Variants in KLHDC4 observed in about 807,000 individuals in gnomAD.
KLHDC4 encodes kelch domain containing 4, also known as kelch domain-containing protein 4.
Under a neutral mutation model 62.4 loss-of-function variants are expected in KLHDC4, and 90 were observed. The ratio of observed to expected loss-of-function variants is 1.44; its 90% confidence interval spans 1.22 to 1.72. The LOEUF (loss-of-function observed/expected upper bound fraction) is 1.72. KLHDC4 is among the 40% of genes most tolerant of loss of function. KLHDC4 has a pLI of 0.00. For missense variants in KLHDC4, 1,025 were observed against 699.7 expected (o/e 1.47, Z -5.25); for synonymous variants, 386 against 284.4 (o/e 1.36, Z -3.59).
At chr16:87,722,199 G>A (rs2038505527) in intron 7 of KLHDC4, among the ~76,000 whole-genome samples, 1 of 152,190 alleles carries the variant, frequency 6.6e-6, no homozygotes, top group Non-Finnish European at 1.5e-5. Context: ...AGCACTAGCT[G>A]GACCCAGACT....
intron 6 of KLHDC4, among the ~76,000 whole-genome samples, chr16:87,728,784 G>A (rs995824776): frequency 6.6e-6 from 1 of 152,056 alleles, no homozygotes; most frequent in African/African-American, 2.4e-5. Flanking sequence ...TTCGAGACCA[G>A]CCTGGCGAAC....
At chr16:87,703,743 G>A (rs2034315163), downstream of KLHDC4, among the ~76,000 whole-genome samples, 2 of 152,224 alleles carry the variant, frequency 1.3e-5, no homozygotes, top group African/African-American at 2.4e-5. Context: ...CCGGGTCACC[G>A]TGGTACCTGC....
At chr16:87,742,075 T>C (rs1267070503) in intron 5 of KLHDC4, among the ~76,000 whole-genome samples, 3 of 152,098 alleles carry the variant, frequency 2.0e-5, no homozygotes. Flanking sequence ...TCTCCTGACC[T>C]TTCCTTTTAG....
intron 10 of KLHDC4, chr16:87,708,674 C>G (rs1388303737): frequency 4.8e-6 from 2 of 415,986 alleles, no homozygotes; most frequent in Non-Finnish European, 8.5e-6. Flanking sequence ...TCCGAGACGG[C>G]AAACATGCAA....
intron 7 of KLHDC4, among the ~76,000 whole-genome samples, chr16:87,716,355 C>G (rs968618263): frequency 1.3e-5 from 2 of 152,136 alleles, no homozygotes; most frequent in South Asian, 4.1e-4. Flanking sequence ...TCTGGGTACG[C>G]GCTATGTCTC....
chr16:87,756,347 T>C (rs1277907460), intron 3 of KLHDC4, 52 bp downstream of exon 3: 3 of 1,338,326 alleles, frequency 2.2e-6, no homozygotes, highest in African/African-American at 2.9e-5. Flanking sequence ...TAACTTTCTG[T>C]CAAATGATAC....
intron 2 of KLHDC4, among the ~76,000 whole-genome samples, chr16:87,760,606 C>CA (rs546426686): frequency 0.14 from 7,267 of 51,504 alleles, 393 homozygotes; most frequent in Non-Finnish European, 0.21. Flanking sequence ...GACTCCGTCC[C>CA]AAAAAAAAAA....
At chr16:87,701,997 G>A in exon 1 of KLHDC4, 1 of 456,274 alleles carries the variant, frequency 2.2e-6, no homozygotes. Flanking sequence ...ACAAAGCTCA[G>A]CCCAGCAGCC....
At position 87,723,979 on chromosome 16, in the gene KLHDC4, G is replaced by A. The variant is rs558555386; in HGVS notation, c.759+2786C>T. Among the ~76,000 whole-genome samples, 4 of 152,266 alleles carry A rather than the reference G, an allele frequency of 2.6e-5. No individual in the cohort carries two copies. The East Asian group carries it at 7.7e-4, about 29-fold the overall frequency. ...AGCCTCCCGAGTAGCTGGGATTACAGGCACGCCCCACCACGCCTGGCTAAT... is the reference window on the plus strand; with the variant it reads ...AGCCTCCCGAGTAGCTGGGATTACAAGCACGCCCCACCACGCCTGGCTAAT... On this transcript the variant is annotated intron_variant, in intron 7 of 11. Transcript: ENST00000270583.
At chr16:87,726,030 A>G (rs1016419218) in intron 7 of KLHDC4, among the ~76,000 whole-genome samples, 13 of 152,152 alleles carry the variant, frequency 8.5e-5, no homozygotes, top group African/African-American at 3.1e-4. Flanking sequence ...CACGGCACCA[A>G]GTTCACAGAG....
At chr16:87,732,025 C>G (rs141309896) in intron 5 of KLHDC4, among the ~76,000 whole-genome samples, 36 of 152,056 alleles carry the variant, frequency 2.4e-4, no homozygotes, top group African/African-American at 8.4e-4. Flanking sequence ...GGGAGGGGAC[C>G]AACTACAGCT....
rs544982952 is a variant in KLHDC4, at chr16:87,725,810, G to A, written c.759+955C>T. Among the ~76,000 whole-genome samples, 402 of 152,282 alleles carry A rather than the reference G, an allele frequency of 2.6e-3. 1 individual carries two copies. The highest frequency in any genetic ancestry group is 7.9e-3 in the African/African-American group (328 of 41,554). ...CAGAGCACACGCCCCAAGAGCAGGA[G>A]GCTCCGGGGTGGGCGCGAGAACATT... On this transcript the variant is annotated intron_variant, in intron 7 of 11. Coordinates refer to ENST00000270583, the MANE Select transcript of KLHDC4 (RefSeq NM_017566.4).
intron 6 of KLHDC4, among the ~76,000 whole-genome samples, chr16:87,727,988 A>G (rs1336728071): frequency 6.6e-6 from 1 of 152,080 alleles, no homozygotes; most frequent in African/African-American, 2.4e-5. Flanking sequence ...GAGTTCAAAA[A>G]CAGCCTGGAC....
chr16:87,709,662 G>C lies in KLHDC4; in HGVS notation c.1050C>G (p.Pro350=). 6.3e-7 allele frequency: 1 copy of C among 1,596,238 alleles called. No homozygotes were observed. The highest frequency in any genetic ancestry group is 8.5e-7 in the Non-Finnish European group (1 of 1,171,080). ...GCCTGCGTTTCTTCTTTTCAGACTT[G>C]GGTCCCTATTAATAGACCGAGGAAG... is the stretch of plus-strand genomic sequence containing the variant. ...NRWFEGQLKG[P]KSEKKKRRRG... is the part of the protein sequence containing the mutation. Residue 350 remains proline (P), a synonymous_variant, in exon 10 of 12, where the codon CCC becomes CCG. Transcript: ENST00000270583.
At chr16:87,755,747 C>T (rs2044779475) in intron 3 of KLHDC4, 1 of 177,714 alleles carries the variant, frequency 5.6e-6, no homozygotes, top group African/African-American at 2.4e-5. Flanking sequence ...GTATCGTTAG[C>T]AGAGACTGGG....
intron 10 of KLHDC4, among the ~76,000 whole-genome samples, chr16:87,708,895 G>A (rs906727357): frequency 1.1e-4 from 17 of 152,248 alleles, no homozygotes; most frequent in Admixed American, 2.0e-4. Context: ...GTGTGACTAC[G>A]GCAGCAGAGG....
chr16:87,743,920 G>A (rs1318075021), intron 5 of KLHDC4, among the ~76,000 whole-genome samples: 3 of 152,216 alleles, frequency 2.0e-5, no homozygotes, highest in African/African-American at 7.2e-5. Context: ...GTATGATGCT[G>A]TCACTGCCTA....
chr16:87,713,584 C>T (rs564794789), intron 8 of KLHDC4, among the ~76,000 whole-genome samples: 2 of 152,244 alleles, frequency 1.3e-5, no homozygotes, highest in Admixed American at 6.5e-5. Flanking sequence ...ATGCTCCACA[C>T]AGGCACGGCT....
At position 87,745,696 on chromosome 16, in the gene KLHDC4, G is replaced by A. The variant is rs556451356; in HGVS notation, c.506+2977C>T. ...CTTCAAGACGACATTGGGGCAGGGT[G>A]GGAGAGGGCAGGCTGAGGCCATGGG... is the stretch of plus-strand genomic sequence containing the variant. On this transcript the variant is annotated intron_variant, in intron 5 of 11. Transcript: ENST00000270583. Among the ~76,000 whole-genome samples, 5 of 152,314 alleles carry A rather than the reference G, an allele frequency of 3.3e-5. No individual in the cohort carries two copies. The South Asian group carries it at 8.3e-4, about 25-fold the overall frequency.
Sources: gnomAD v4.1 joint callset for allele counts (sites outside exome capture counted in the v4.1 genomes callset) on GRCh38, gnomAD v4.1.1 for gene constraint, MANE v1.5 for transcripts, NCBI Gene and HGNC (gene_info 2026-07-23, HGNC 2026-07-21) for gene names.